MYO6: variants seen among roughly 807,000 people sequenced by gnomAD.
MYO6 encodes the protein unconventional myosin-VI.
MYO6 carries 74 observed loss-of-function variants against 178.7 expected under a neutral mutation model. That is an observed-to-expected ratio of 0.41 (90% CI 0.34 to 0.50). The LOEUF is 0.50. Among genes scored for constraint, MYO6 ranks in the 20% least tolerant of loss-of-function variants. The probability of loss-of-function intolerance (pLI) is 0.09; values close to 1 mark genes in which losing one functional copy is unlikely to be tolerated. For missense variants in MYO6, 1,330 were observed against 1,547.4 expected, an observed-to-expected ratio of 0.86 and a Z score of 2.36; for synonymous variants, 477 against 504.6, an observed-to-expected ratio of 0.95 and a Z score of 0.73.
chr6:75,891,904 C>G lies in MYO6; in HGVS notation c.2946+598C>G, dbSNP rs916700083. 3.3e-5 allele frequency among the ~76,000 whole-genome samples: 5 copies of G among 152,228 alleles called. No individual in the cohort carries two copies. The South Asian group carries it at 1.0e-3, about 32-fold the overall frequency. ...GTAGAATGTGGATAAATAATAGTTG[C>G]AAGCATTTGACAGTTAATACATGTT... On this transcript the variant is annotated intron_variant, in intron 27 of 34. Coordinates refer to ENST00000369977, the MANE Select transcript of MYO6 (RefSeq NM_004999.4).
intron 1 of MYO6, among the ~76,000 whole-genome samples, chr6:75,756,812 G>A (rs1359809613): frequency 6.6e-6 from 1 of 151,612 alleles, no homozygotes; most frequent in East Asian, 1.9e-4. Context: ...CTTATTTGGT[G>A]GTGCTGGAAT....
At chr6:75,833,633 A>G in intron 6 of MYO6, among the ~76,000 whole-genome samples, 1 of 152,112 alleles carries the variant, frequency 6.6e-6, no homozygotes, top group African/African-American at 2.4e-5. Flanking sequence ...TATGTGTCAG[A>G]ATTTCCTTCC....
chr6:75,778,495 G>A (rs1418882232), intron 1 of MYO6, among the ~76,000 whole-genome samples: 1 of 152,000 alleles, frequency 6.6e-6, no homozygotes, highest in Non-Finnish European at 1.5e-5. Context: ...TACTCAGGCG[G>A]CTGAGGCGGG....
chr6:75,833,327 A>T (rs956312686), intron 6 of MYO6, among the ~76,000 whole-genome samples: 11 of 152,298 alleles, frequency 7.2e-5, no homozygotes, highest in Admixed American at 3.3e-4. Context: ...AAAAATACTT[A>T]AGTAAAAGTT....
chr6:75,861,346 A>G (rs1176509302), intron 15 of MYO6, among the ~76,000 whole-genome samples: 3 of 152,200 alleles, frequency 2.0e-5, no homozygotes, highest in African/African-American at 4.8e-5. Flanking sequence ...AATAGTTAGC[A>G]TGTGAATTGG....
intron 7 of MYO6, among the ~76,000 whole-genome samples, chr6:75,838,916 T>A (rs1773924661): frequency 1.3e-5 from 2 of 152,014 alleles, no homozygotes; most frequent in Non-Finnish European, 2.9e-5. Flanking sequence ...CACCTCGGCC[T>A]CCCAAAGTGC....
chr6:75,819,629 T>A (rs1173049827), intron 2 of MYO6, among the ~76,000 whole-genome samples: 1 of 152,240 alleles, frequency 6.6e-6, no homozygotes, highest in African/African-American at 2.4e-5. Flanking sequence ...AAGAAATAAA[T>A]TTTACATTTC....
chr6:75,800,439 A>G (rs1446740762), intron 1 of MYO6, among the ~76,000 whole-genome samples: 1 of 152,156 alleles, frequency 6.6e-6, no homozygotes, highest in African/African-American at 2.4e-5. Flanking sequence ...TATATTTGCT[A>G]TGATTAAGCT....
intron 18 of MYO6, among the ~76,000 whole-genome samples, chr6:75,868,842 T>C (rs138158710): frequency 1.3e-4 from 20 of 152,256 alleles, no homozygotes; most frequent in African/African-American, 4.8e-4. Context: ...ATAAACCCTT[T>C]ACTGTTAGTG....
At chr6:75,819,980 G>A (rs749097696) in intron 2 of MYO6, among the ~76,000 whole-genome samples, 15 of 152,082 alleles carry the variant, frequency 9.9e-5, no homozygotes, top group Non-Finnish European at 2.2e-4. Context: ...GCAGGTCAAG[G>A]CTGCAGTGAG....
Position 75,907,605 on chromosome 6 carries a change from A to ATTTTT in MYO6, c.3177_3178insTTTTT (p.Gly1060PhefsTer7). The ATTTTT allele has an allele frequency of 6.2e-7, 1 of 1,608,098 alleles. No homozygotes were observed. The highest frequency in any genetic ancestry group is 8.5e-7 in the Non-Finnish European group (1 of 1,174,864). On this transcript the variant is annotated frameshift_variant and splice_region_variant, in exon 31 of 35. Transcript: ENST00000369977. LOFTEE classifies it high-confidence loss of function. ...ATGCAAAAATGTGTAATAATTACAG[A>ATTTTT]GGTCCTGCTGTACTAGCCACCAAAG...
intron 32 of MYO6, among the ~76,000 whole-genome samples, chr6:75,911,060 A>G (rs866428668): frequency 6.6e-6 from 1 of 152,022 alleles, no homozygotes; most frequent in Non-Finnish European, 1.5e-5. Context: ...GCATACTTTC[A>G]TCTCATTTAC....
At chr6:75,838,809 C>T (rs1163035241) in intron 7 of MYO6, among the ~76,000 whole-genome samples, 1 of 151,594 alleles carries the variant, frequency 6.6e-6, no homozygotes, top group Non-Finnish European at 1.5e-5. Flanking sequence ...TTACAGGTGC[C>T]CACCACCATG....
intron 1 of MYO6, among the ~76,000 whole-genome samples, chr6:75,795,734 T>C (rs1468797865): frequency 1.3e-5 from 2 of 152,230 alleles, no homozygotes; most frequent in South Asian, 2.1e-4. Context: ...TTTTTATCCA[T>C]GTTTTGAGAA....
At chr6:75,815,775 C>T (rs1771176458) in intron 1 of MYO6, among the ~76,000 whole-genome samples, 1 of 152,188 alleles carries the variant, frequency 6.6e-6, no homozygotes, top group African/African-American at 2.4e-5. Flanking sequence ...GAAACTACAC[C>T]TGAGAGCATC....
In MYO6 at chr6:75,912,977, T is replaced by C. The variant is rs556173043; in HGVS notation, c.3440-1086T>C. ...TTTTGCTATTTCTTGGTGTAAAAAG[T>C]AGAGTAAGAGTATTTTCATCCTTTC... On this transcript the variant is annotated intron_variant, in intron 33 of 34. Transcript: ENST00000369977. Among the ~76,000 whole-genome samples, 4 of 152,300 alleles carry C rather than the reference T, an allele frequency of 2.6e-5. No individual in the cohort carries two copies. In the South Asian group the frequency reaches 8.3e-4, roughly 32 times the overall value.
chr6:75,788,693 C>T (rs905815601), intron 1 of MYO6, among the ~76,000 whole-genome samples: 5 of 152,178 alleles, frequency 3.3e-5, no homozygotes, highest in African/African-American at 2.4e-5. Context: ...CTGCCTTGGA[C>T]TCCCAAAATG....
At chr6:75,758,953 TC>T (rs1159129989) in intron 1 of MYO6, among the ~76,000 whole-genome samples, 1 of 151,514 alleles carries the variant, frequency 6.6e-6, no homozygotes, top group African/African-American at 2.4e-5. Flanking sequence ...CACTGCAATC[TC>T]CCCCTCCCAG....
At chr6:75,833,025 C>A in intron 6 of MYO6, 78 bp downstream of exon 6, 1 of 1,000,772 alleles carries the variant, frequency 1.0e-6, no homozygotes, top group South Asian at 1.3e-5. Flanking sequence ...CTTACTGTGT[C>A]ACCCAGGGTG....
Sources: allele counts gnomAD v4.1 joint callset (sites outside exome capture counted in the v4.1 genomes callset), GRCh38; gene constraint gnomAD v4.1.1; transcripts MANE v1.5; gene names NCBI Gene and HGNC (gene_info 2026-07-23, HGNC 2026-07-21).